The following GTF2H5 variants were observed in gnomAD, a reference collection of about 807,000 sequenced individuals.
The protein encoded by GTF2H5 is TFB5 ortholog.
GTF2H5 carries 5 observed loss-of-function variants against 7.1 expected under a neutral mutation model. The observed-to-expected ratio is 0.71, with a 90% confidence interval of 0.37 to 1.49. The LOEUF (loss-of-function observed/expected upper bound fraction) is 1.49. Ranked by LOEUF, GTF2H5 falls within the 40% of genes most tolerant of loss-of-function variation. The pLI, the probability that GTF2H5 is intolerant of heterozygous loss-of-function variation, is 0.03. For missense variants in GTF2H5, 80 were observed against 83.0 expected (o/e 0.96, Z 0.14); for synonymous variants, 30 against 31.7 (o/e 0.95, Z 0.18).
At chr6:158,169,212 C>T (rs191197150) in intron 1 of GTF2H5, among the ~76,000 whole-genome samples, 5 of 142,196 alleles carry the variant, frequency 3.5e-5, no homozygotes, top group Non-Finnish European at 7.5e-5. Flanking sequence ...CCAGCCTGGG[C>T]GACAGAGTGA....
chr6:158,175,994 A>G (rs1785927807), intron 2 of GTF2H5, among the ~76,000 whole-genome samples: 1 of 152,222 alleles, frequency 6.6e-6, no homozygotes, highest in Admixed American at 6.5e-5. Flanking sequence ...CATGTGCTAT[A>G]CTAAGCACTT....
Position 158,170,446 on chromosome 6 carries a change from A to G in GTF2H5, c.-34-24A>G, listed in dbSNP as rs75327314. The G allele has an allele frequency of 0.043, 58,618 of 1,365,594 alleles. 2,916 individuals carry two copies. Among genetic ancestry groups the G allele is most frequent in the Admixed American group, 0.24 (14,494 of 59,340 alleles). The allele number at this position is 1,365,594 out of a possible 1,614,324, so 84.6% of individuals were successfully genotyped here. A position where few individuals can be genotyped will look rare whatever the true frequency, so the allele number is the denominator to read the frequency against. ...ATGAAAGTTAATGATTTTTAATTTA[A>G]TGTTACCTTACTCTTTTTATTAGCA... On this transcript the variant is annotated intron_variant, in intron 1 of 2. Coordinates refer to ENST00000607778, the MANE Select transcript of GTF2H5 (RefSeq NM_207118.3).
chr6:158,179,923 A>G (rs1785984543), intron 2 of GTF2H5, among the ~76,000 whole-genome samples: 1 of 152,184 alleles, frequency 6.6e-6, no homozygotes, highest in Non-Finnish European at 1.5e-5. Flanking sequence ...GCCGGTTTTC[A>G]AAGGGAATGC....
intron 2 of GTF2H5, among the ~76,000 whole-genome samples, chr6:158,186,080 G>A (rs1255176189): frequency 6.6e-6 from 1 of 152,172 alleles, no homozygotes; most frequent in African/African-American, 2.4e-5. Context: ...CAAACTCTTG[G>A]TTTTATGCCA....
Position 158,192,336 on chromosome 6 carries a change from AG to A in GTF2H5, c.*180del. 3.5e-6 allele frequency: 2 copies of A among 568,350 alleles called. No individual in the cohort carries two copies. The highest frequency in any genetic ancestry group is 1.9e-5 in the African/African-American group (1 of 53,098). The allele number at this position is 568,350 out of a possible 1,614,324, so 35.2% of individuals were successfully genotyped here. A position where few individuals can be genotyped will look rare whatever the true frequency, so the allele number is the denominator to read the frequency against. On this transcript the variant is annotated 3_prime_UTR_variant, in exon 3 of 3. Transcript: ENST00000607778. The stretch of plus-strand genomic sequence containing the variant: ...GCCCCTGAACTGATTTTGTTACCAT[AG>A]AATTTAAAAAAAAAAAAAGCTTTAA...
chr6:158,191,913 G>T, intron 2 of GTF2H5, 64 bp from the exon 3 acceptor site: 3 of 1,278,748 alleles, frequency 2.3e-6, no homozygotes, highest in Middle Eastern at 3.7e-4. Flanking sequence ...ACATTTAATT[G>T]CTCAAGTCTC....
intron 2 of GTF2H5, among the ~76,000 whole-genome samples, chr6:158,185,596 T>C (rs992184393): frequency 6.6e-6 from 1 of 151,906 alleles, no homozygotes; most frequent in African/African-American, 2.4e-5. Flanking sequence ...TATTTCAGTG[T>C]TCACTGGCCA....
Position 158,169,570 on chromosome 6 carries a change from T to TGTATATTACATATAA in GTF2H5, c.-34-900_-34-899insGTATATTACATATAA, listed in dbSNP as rs1562468667. Reference sequence around the variant, plus strand: ...TATACTGTATATTATATATAATATATTGTATATTATATATAATATATTGTA... The same window carrying TGTATATTACATATAA: ...TATACTGTATATTATATATAATATATGTATATTACATATAATGTATATTATATATAATATATTGTA... On this transcript the variant is annotated intron_variant, in intron 1 of 2. Transcript: ENST00000607778. 4.8e-5 allele frequency among the ~76,000 whole-genome samples: 3 copies of TGTATATTACATATAA among 62,280 alleles called. 1 individual carries two copies. Among genetic ancestry groups the TGTATATTACATATAA allele is most frequent in the African/African-American group, 3.2e-4 (3 of 9,396 alleles). The allele number at this position is 62,280 out of a possible 152,430, so 40.9% of individuals were successfully genotyped here.
chr6:158,177,153 A>G (rs1250481366), intron 2 of GTF2H5, among the ~76,000 whole-genome samples: 1 of 152,174 alleles, frequency 6.6e-6, no homozygotes, highest in African/African-American at 2.4e-5. Context: ...TTTGATAGGG[A>G]TAGAACTAAT....
chr6:158,179,854 T>G (rs6915771), intron 2 of GTF2H5, among the ~76,000 whole-genome samples: 56,940 of 151,952 alleles, frequency 0.37, 11,939 homozygotes, highest in African/African-American at 0.55. Context: ...GATTGCCCTG[T>G]CCAGAACTTC....
At chr6:158,191,885 TA>T in intron 2 of GTF2H5, 91 bp from the exon 3 acceptor site, 1 of 1,019,640 alleles carries the variant, frequency 9.8e-7, no homozygotes, top group Non-Finnish European at 1.5e-6. Context: ...AAAATCATTC[TA>T]AAAATTCTAC....
At chr6:158,183,162 C>T (rs985089857) in intron 2 of GTF2H5, among the ~76,000 whole-genome samples, 2 of 152,158 alleles carry the variant, frequency 1.3e-5, no homozygotes, top group Admixed American at 6.5e-5. Flanking sequence ...TTGGAGTTTG[C>T]TGGAGGTCCA....
chr6:158,178,139 T>A (rs1785957478), intron 2 of GTF2H5, among the ~76,000 whole-genome samples: 1 of 152,172 alleles, frequency 6.6e-6, no homozygotes, highest in South Asian at 2.1e-4. Flanking sequence ...CCTTAAGGAA[T>A]CGCCACGCTG....
intron 2 of GTF2H5, among the ~76,000 whole-genome samples, chr6:158,179,784 C>A (rs1252824048): frequency 6.6e-6 from 1 of 152,136 alleles, no homozygotes; most frequent in Non-Finnish European, 1.5e-5. Context: ...CATCTGCAAA[C>A]AGAGATGATT....
intron 2 of GTF2H5, among the ~76,000 whole-genome samples, chr6:158,191,546 G>T (rs946351937): frequency 2.7e-5 from 4 of 150,396 alleles, no homozygotes; most frequent in Non-Finnish European, 2.9e-5. Flanking sequence ...GCAGTGGCAC[G>T]ATCTCCGCTC....
chr6:158,173,702 G>A (rs1785889024), intron 2 of GTF2H5, among the ~76,000 whole-genome samples: 1 of 150,932 alleles, frequency 6.6e-6, no homozygotes, highest in African/African-American at 2.4e-5. Flanking sequence ...GCTTCATGCA[G>A]GAAAGAATTC....
intron 2 of GTF2H5, among the ~76,000 whole-genome samples, chr6:158,187,107 TCCTC>T (rs1298545525): frequency 6.6e-6 from 1 of 151,904 alleles, no homozygotes; most frequent in African/African-American, 2.4e-5. Flanking sequence ...CGATTCTCCT[TCCTC>T]AGCCTCCTGA....
rs1446460377 is a variant in GTF2H5 at position 158,194,012 on chromosome 6, A to G, written c.*1855A>G. 6.8e-6 allele frequency: 1 copy of G among 147,520 alleles called. No individual in the cohort carries two copies. Among genetic ancestry groups the G allele is most frequent in the Admixed American group, 6.8e-5 (1 of 14,634 alleles). The allele number at this position is 147,520 out of a possible 1,614,324, so 9.1% of individuals were successfully genotyped here. A position where few individuals can be genotyped will look rare whatever the true frequency, so the allele number is the denominator to read the frequency against. ...TCAAAAAAAAAAAAAAAAAAAAATGAATTTCCAGCTATACCAAAATGTTAC... is the reference window on the plus strand; with the variant it reads ...TCAAAAAAAAAAAAAAAAAAAAATGGATTTCCAGCTATACCAAAATGTTAC... On this transcript the variant is annotated 3_prime_UTR_variant, in exon 3 of 3. Coordinates refer to ENST00000607778, the MANE Select transcript of GTF2H5 (RefSeq NM_207118.3).
At chr6:158,175,044 G>GTGTGTGTGTGTGTGTGTGTGTGTA in intron 2 of GTF2H5, among the ~76,000 whole-genome samples, 23 of 142,844 alleles carry the variant, frequency 1.6e-4, no homozygotes, top group African/African-American at 5.3e-4. Flanking sequence ...GTGTGTGTGT[G>GTGTGTGTGTGTGTGTGTGTGTGTA]TATACACACA....
Sources: gnomAD v4.1 joint callset for allele counts (sites outside exome capture counted in the v4.1 genomes callset) on GRCh38, gnomAD v4.1.1 for gene constraint, MANE v1.5 for transcripts, NCBI Gene and HGNC (gene_info 2026-07-23, HGNC 2026-07-21) for gene names.